Variants in ARHGAP22 observed in about 807,000 individuals in gnomAD.
ARHGAP22 encodes Rho GTPase activating protein 22, also known as rho GTPase-activating protein 22.
A neutral mutation model predicts 59.1 loss-of-function variants in ARHGAP22; 48 were observed. That is an observed-to-expected ratio of 0.81 (90% CI 0.64 to 1.03). The LOEUF (loss-of-function observed/expected upper bound fraction) is 1.03. Among genes scored for constraint, ARHGAP22 ranks in the 50% least tolerant of loss-of-function variants. The pLI, the probability that ARHGAP22 is intolerant of heterozygous loss-of-function variation, is 0.00. For synonymous variants in ARHGAP22, 445 were observed against 416.4 expected, an observed-to-expected ratio of 1.07 and a Z score of -0.84; for missense variants, 1,015 against 958.7, an observed-to-expected ratio of 1.06 and a Z score of -0.78.
chr10:48,591,903 A>G (rs111822324), intron 1 of ARHGAP22, among the ~76,000 whole-genome samples: 1,750 of 152,200 alleles, frequency 0.011, 33 homozygotes, highest in African/African-American at 0.04. Flanking sequence ...AACAACAACA[A>G]CAAAACATGC....
intron 1 of ARHGAP22, among the ~76,000 whole-genome samples, chr10:48,635,546 G>A (rs1288062683): frequency 6.6e-6 from 1 of 152,226 alleles, no homozygotes; most frequent in South Asian, 2.1e-4. Context: ...AGGGCTGGGT[G>A]TCCACACCCC....
At chr10:48,630,818 A>G (rs1318804148) in intron 1 of ARHGAP22, among the ~76,000 whole-genome samples, 1 of 152,238 alleles carries the variant, frequency 6.6e-6, no homozygotes, top group Non-Finnish European at 1.5e-5. Context: ...TAGGACTTCC[A>G]GTACAATGTT....
intron 1 of ARHGAP22, among the ~76,000 whole-genome samples, chr10:48,632,086 G>A (rs998376620): frequency 6.6e-6 from 1 of 152,188 alleles, no homozygotes; most frequent in African/African-American, 2.4e-5. Flanking sequence ...AGTGTACACT[G>A]TACCCAATAT....
intron 1 of ARHGAP22, among the ~76,000 whole-genome samples, chr10:48,597,875 G>A (rs552548368): frequency 7.2e-5 from 11 of 152,362 alleles, no homozygotes; most frequent in Non-Finnish European, 1.2e-4. Flanking sequence ...AGTAATCACT[G>A]GGGCTGGTGA....
chr10:48,493,793 C>T lies in ARHGAP22; in HGVS notation c.323-14029G>A, dbSNP rs1417980590. The T allele has an allele frequency of 2.2e-5, 13 of 596,318 alleles. No homozygotes were observed. The South Asian group carries it at 3.9e-4, about 18-fold the overall frequency. 36.9% of individuals were successfully genotyped at this position (596,318 alleles called of 1,614,324 possible). A position where few individuals can be genotyped will look rare whatever the true frequency, so the allele number is the denominator to read the frequency against. On this transcript the variant is annotated intron_variant, in intron 3 of 9. Coordinates refer to ENST00000249601, the MANE Select transcript of ARHGAP22 (RefSeq NM_021226.4). ...CCGCATCTGTGCCTGCCACCCTGTG[C>T]ACTTGTCCTGCTGTGTTCTTGACTC...
intron 3 of ARHGAP22, chr10:48,524,035 C>A: frequency 3.4e-6 from 5 of 1,470,754 alleles, no homozygotes; most frequent in Non-Finnish European, 4.5e-6. Flanking sequence ...GCGGGGCGCA[C>A]GTGCGCGCCG....
Position 48,498,195 on chromosome 10 carries a change from C to T in ARHGAP22, c.323-18431G>A, listed in dbSNP as rs546465299. On this transcript the variant is annotated intron_variant, in intron 3 of 9. Transcript: ENST00000249601. The stretch of plus-strand genomic sequence containing the variant: ...CTGTGGTGAAAGGAGAAAGCTGGCC[C>T]GAGCAGGACACGGCCCAGATGAGTC... 7.9e-5 allele frequency among the ~76,000 whole-genome samples: 12 copies of T among 152,198 alleles called. No homozygotes were observed. In the South Asian group the frequency reaches 1.2e-3, roughly 16 times the overall value.
chr10:48,541,773 G>T (rs2055964314), intron 3 of ARHGAP22, among the ~76,000 whole-genome samples: 1 of 152,210 alleles, frequency 6.6e-6, no homozygotes, highest in African/African-American at 2.4e-5. Flanking sequence ...CTTCCAGTTG[G>T]CATCATTCAA....
At chr10:48,528,398 C>T (rs1330229978) in intron 3 of ARHGAP22, among the ~76,000 whole-genome samples, 2 of 152,178 alleles carry the variant, frequency 1.3e-5, no homozygotes, top group African/African-American at 2.4e-5. Context: ...CACTCATGTA[C>T]AAATGATGAC....
chr10:48,599,025 T>C (rs1314542805), intron 1 of ARHGAP22, among the ~76,000 whole-genome samples: 1 of 152,088 alleles, frequency 6.6e-6, no homozygotes, highest in Non-Finnish European at 1.5e-5. Context: ...ATCCGAAAAA[T>C]GGGGCAATAG....
intron 3 of ARHGAP22, among the ~76,000 whole-genome samples, chr10:48,527,215 A>C (rs2054404232): frequency 6.6e-6 from 1 of 151,610 alleles, no homozygotes; most frequent in African/African-American, 2.4e-5. Flanking sequence ...ATGGATGGGC[A>C]GATGGATGGG....
chr10:48,637,399 G>A (rs2061864010), intron 1 of ARHGAP22, among the ~76,000 whole-genome samples: 2 of 151,840 alleles, frequency 1.3e-5, no homozygotes, highest in Non-Finnish European at 2.9e-5. Context: ...TGGATGAATG[G>A]TGAATGAGTG....
chr10:48,590,320 G>A (rs2059675074), intron 1 of ARHGAP22, among the ~76,000 whole-genome samples: 1 of 152,128 alleles, frequency 6.6e-6, no homozygotes, highest in Non-Finnish European at 1.5e-5. Context: ...GGGTCAGGTA[G>A]GGTGATGAGT....
chr10:48,600,152 C>T (rs968867937), intron 1 of ARHGAP22, among the ~76,000 whole-genome samples: 1 of 152,182 alleles, frequency 6.6e-6, no homozygotes, highest in African/African-American at 2.4e-5. Flanking sequence ...AATGGAAGGT[C>T]CAGCTTGCAT....
At chr10:48,448,954 AC>A (rs2045629966) in intron 9 of ARHGAP22, among the ~76,000 whole-genome samples, 1 of 152,172 alleles carries the variant, frequency 6.6e-6, no homozygotes, top group African/African-American at 2.4e-5. Flanking sequence ...CCTGCCAGGG[AC>A]ACTCAGCCAA....
downstream of ARHGAP22, chr10:48,443,845 CTTTCTA>C (rs1222104069): frequency 2.0e-5 from 3 of 152,144 alleles, no homozygotes; most frequent in African/African-American, 4.8e-5. Context: ...TCTTCCTTTT[CTTTCTA>C]TTTCTGTTTC....
intron 2 of ARHGAP22, among the ~76,000 whole-genome samples, chr10:48,579,096 T>C (rs1395461322): frequency 1.6e-5 from 2 of 126,528 alleles, no homozygotes; most frequent in African/African-American, 3.2e-5. Context: ...TTCTTTCTTG[T>C]TTTTTATTTT....
At chr10:48,601,531 T>A (rs1484021858) in intron 1 of ARHGAP22, among the ~76,000 whole-genome samples, 1 of 152,230 alleles carries the variant, frequency 6.6e-6, no homozygotes, top group Non-Finnish European at 1.5e-5. Context: ...TTAAGTGTTA[T>A]TTATTAACTT....
chr10:48,571,153 T>C (rs2058370405), intron 2 of ARHGAP22, among the ~76,000 whole-genome samples: 1 of 152,186 alleles, frequency 6.6e-6, no homozygotes, highest in Admixed American at 6.5e-5. Flanking sequence ...TCAGCTCTTC[T>C]CCAAGCCACT....
Sources: gnomAD v4.1 joint callset for allele counts (sites outside exome capture counted in the v4.1 genomes callset) on GRCh38, gnomAD v4.1.1 for gene constraint, MANE v1.5 for transcripts, NCBI Gene and HGNC (gene_info 2026-07-23, HGNC 2026-07-21) for gene names.